Variants in RNF175 observed in about 807,000 individuals in gnomAD.
The protein encoded by RNF175 is ring finger protein 175.
RNF175 carries 38 observed loss-of-function variants against 50.0 expected under a neutral mutation model. The ratio of observed to expected loss-of-function variants is 0.76; its 90% confidence interval spans 0.59 to 1.00. The LOEUF (loss-of-function observed/expected upper bound fraction) is 1.00, where lower values mean the gene tolerates loss of function less well. Among genes scored for constraint, RNF175 ranks in the 50% least tolerant of loss-of-function variants. The pLI is 0.00. For synonymous variants in RNF175, 155 were observed against 146.1 expected (o/e 1.06, Z -0.44); for missense variants, 388 against 409.6 (o/e 0.95, Z 0.46).
intron 3 of RNF175, among the ~76,000 whole-genome samples, chr4:153,731,707 G>GGAAA (rs1442020584): frequency 1.3e-4 from 19 of 150,536 alleles, no homozygotes; most frequent in African/African-American, 4.4e-4. Context: ...AAGGAAGGAA[G>GGAAA]GAAACAAGGA....
chr4:153,711,390 A>G (rs1737566433), intron 8 of RNF175, among the ~76,000 whole-genome samples: 1 of 151,046 alleles, frequency 6.6e-6, no homozygotes, highest in Non-Finnish European at 1.5e-5. Flanking sequence ...GTCTCTTGCA[A>G]TGGTATGGGC....
chr4:153,751,915 C>T (rs1413250468), intron 1 of RNF175, among the ~76,000 whole-genome samples: 1 of 152,152 alleles, frequency 6.6e-6, no homozygotes, highest in Non-Finnish European at 1.5e-5. Context: ...ATATCATTTC[C>T]AAGTTCAAAG....
intron 8 of RNF175, among the ~76,000 whole-genome samples, chr4:153,711,283 G>A (rs1173316855): frequency 6.6e-6 from 1 of 152,118 alleles, no homozygotes; most frequent in Non-Finnish European, 1.5e-5. Context: ...GAAGGTGGAA[G>A]GATCATCACA....
intron 3 of RNF175, among the ~76,000 whole-genome samples, chr4:153,734,687 T>TTTTTTTTG (rs1739250934): frequency 8.4e-6 from 1 of 118,716 alleles, no homozygotes; most frequent in African/African-American, 2.8e-5. Flanking sequence ...TTTTTTTTTT[T>TTTTTTTTG]TTTTTTGAGA....
chr4:153,721,914 G>A (rs190088114), intron 5 of RNF175, among the ~76,000 whole-genome samples: 4 of 152,206 alleles, frequency 2.6e-5, no homozygotes, highest in East Asian at 1.9e-4. Flanking sequence ...ACTTTCTACC[G>A]CTTTCCTGCT....
intron 3 of RNF175, among the ~76,000 whole-genome samples, chr4:153,729,185 T>C (rs1738892155): frequency 6.6e-6 from 1 of 152,244 alleles, no homozygotes; most frequent in South Asian, 2.1e-4. Flanking sequence ...CCTTTGGTCT[T>C]TTATGTTTTC....
At chr4:153,711,714 G>A (rs529581567) in intron 8 of RNF175, among the ~76,000 whole-genome samples, 1 of 152,148 alleles carries the variant, frequency 6.6e-6, no homozygotes, top group African/African-American at 2.4e-5. Flanking sequence ...TTCCCACCCT[G>A]CTTCCTGAAT....
chr4:153,720,327 G>A, intron 5 of RNF175, 23 bp from the exon 6 acceptor site: 1 of 1,608,372 alleles, frequency 6.2e-7, no homozygotes. Context: ...ACAGTATAAG[G>A]AAATAAGAAT....
At chr4:153,712,643 A>G in intron 7 of RNF175, 67 bp from the exon 8 acceptor site, 1 of 1,034,372 alleles carries the variant, frequency 9.7e-7, no homozygotes, top group Non-Finnish European at 1.5e-6. Flanking sequence ...ATGGCATGGA[A>G]TGGTCCCATC....
intron 2 of RNF175, among the ~76,000 whole-genome samples, chr4:153,750,212 G>C (rs1740209395): frequency 6.6e-6 from 1 of 152,162 alleles, no homozygotes; most frequent in African/African-American, 2.4e-5. Context: ...CTTACGTCTA[G>C]TTACAATATG....
intron 3 of RNF175, among the ~76,000 whole-genome samples, chr4:153,740,121 A>T (rs1739569595): frequency 6.6e-6 from 1 of 151,672 alleles, no homozygotes; most frequent in Non-Finnish European, 1.5e-5. Flanking sequence ...AGCTTTGTCC[A>T]ATCTATTGAT....
At chr4:153,725,087 GGGGTGAGCTGCGT>G (rs1738615344) in intron 4 of RNF175, among the ~76,000 whole-genome samples, 1 of 142,460 alleles carries the variant, frequency 7.0e-6, no homozygotes, top group African/African-American at 2.7e-5. Flanking sequence ...GGAGCGGGCA[GGGGTGAGCTGCGT>G]GGGGGAGTGG....
chr4:153,730,099 T>C (rs1410540516), intron 3 of RNF175, among the ~76,000 whole-genome samples: 1 of 152,238 alleles, frequency 6.6e-6, no homozygotes, highest in Non-Finnish European at 1.5e-5. Context: ...ACTCAAGATG[T>C]GCTTACTTAA....
intron 3 of RNF175, among the ~76,000 whole-genome samples, chr4:153,731,211 T>C (rs1333012785): frequency 6.6e-6 from 1 of 152,242 alleles, no homozygotes; most frequent in African/African-American, 2.4e-5. Context: ...TCTTTATCAA[T>C]TTCCAGAGCA....
chr4:153,711,799 C>A (rs1226611446), intron 8 of RNF175, among the ~76,000 whole-genome samples: 1 of 152,164 alleles, frequency 6.6e-6, no homozygotes, highest in Non-Finnish European at 1.5e-5. Flanking sequence ...GGGGCCATTA[C>A]CTTCCTGCGA....
chr4:153,742,788 A>G (rs1739742852), intron 3 of RNF175, among the ~76,000 whole-genome samples: 1 of 150,726 alleles, frequency 6.6e-6, no homozygotes, highest in African/African-American at 2.4e-5. Context: ...TAATAATAGT[A>G]ATTTATATAT....
chr4:153,716,218 T>A (rs903455748), intron 6 of RNF175, among the ~76,000 whole-genome samples: 1 of 152,152 alleles, frequency 6.6e-6, no homozygotes, highest in African/African-American at 2.4e-5. Flanking sequence ...CATTGCCAAT[T>A]ATAACTTCTC....
At chr4:153,716,937 A>G (rs767973865) in intron 6 of RNF175, among the ~76,000 whole-genome samples, 4 of 152,250 alleles carry the variant, frequency 2.6e-5, no homozygotes, top group Non-Finnish European at 4.4e-5. Flanking sequence ...CCTTTGCATC[A>G]ACATGTAGAC....
intron 3 of RNF175, among the ~76,000 whole-genome samples, chr4:153,736,884 G>C (rs1040849470): frequency 2.7e-4 from 41 of 152,218 alleles, no homozygotes; most frequent in Non-Finnish European, 5.0e-4. Context: ...CAGGGAGACA[G>C]GGCCTCTCTC....
Sources: allele counts gnomAD v4.1 joint callset (sites outside exome capture counted in the v4.1 genomes callset), GRCh38; gene constraint gnomAD v4.1.1; transcripts MANE v1.5; gene names NCBI Gene and HGNC (gene_info 2026-07-23, HGNC 2026-07-21).